ROBO1: variants seen among roughly 807,000 people sequenced by gnomAD.
The protein encoded by ROBO1 is roundabout homolog 1.
In ROBO1, 149 loss-of-function variants were observed where a neutral mutation model predicts 195.9. The ratio of observed to expected loss-of-function variants is 0.76; its 90% CI spans 0.67 to 0.87. The LOEUF (loss-of-function observed/expected upper bound fraction) is 0.87, where lower values mean the gene tolerates loss of function less well. Ranked by LOEUF, ROBO1 falls within the 40% of genes least tolerant of loss-of-function variation. ROBO1 has a pLI of 0.00. For synonymous variants in ROBO1, 816 were observed against 733.2 expected (o/e 1.11, Z -1.82); for missense variants, 1,933 against 2,068.3 (o/e 0.93, Z 1.27).
At chr3:79,472,184 C>T (rs1438102347) in intron 2 of ROBO1, among the ~76,000 whole-genome samples, 1 of 151,886 alleles carries the variant, frequency 6.6e-6, no homozygotes. Flanking sequence ...AAGAGAAAAC[C>T]TATTAATCAG....
intron 3 of ROBO1, among the ~76,000 whole-genome samples, chr3:78,944,407 C>G (rs1175052083): frequency 6.6e-6 from 1 of 152,216 alleles, no homozygotes; most frequent in Non-Finnish European, 1.5e-5. Context: ...CAGAAGGCAG[C>G]CATCTATAAG....
intron 2 of ROBO1, among the ~76,000 whole-genome samples, chr3:79,292,639 G>C (rs2109031922): frequency 6.6e-6 from 1 of 152,204 alleles, no homozygotes; most frequent in Middle Eastern, 3.4e-3. Context: ...ACAAATACGT[G>C]TTTTTTTCCT....
At chr3:78,856,690 T>C (rs1040909386) in intron 4 of ROBO1, among the ~76,000 whole-genome samples, 53 of 151,416 alleles carry the variant, frequency 3.5e-4, no homozygotes, top group Non-Finnish European at 7.1e-4. Flanking sequence ...CCAATCTCCT[T>C]TGATATATTT....
At chr3:78,977,275 T>A (rs569031897) in intron 3 of ROBO1, among the ~76,000 whole-genome samples, 1 of 152,216 alleles carries the variant, frequency 6.6e-6, no homozygotes, top group East Asian at 1.9e-4. Context: ...TCACTGAGAT[T>A]CCCACATGCT....
chr3:79,003,499 A>C (rs2077552226), intron 3 of ROBO1, among the ~76,000 whole-genome samples: 1 of 152,050 alleles, frequency 6.6e-6, no homozygotes, highest in African/African-American at 2.4e-5. Flanking sequence ...CATGCCGAAC[A>C]CTCTTTCAAG....
At chr3:78,693,099 G>A in intron 8 of ROBO1, 1 of 417,888 alleles carries the variant, frequency 2.4e-6, no homozygotes. Context: ...GAAATAAAAG[G>A]ATGCAGATCA....
chr3:78,966,646 T>A (rs534868613), intron 3 of ROBO1, among the ~76,000 whole-genome samples: 9 of 152,354 alleles, frequency 5.9e-5, no homozygotes, highest in Non-Finnish European at 8.8e-5. Context: ...ACTATTGAAT[T>A]CTAATATTAA....
At chr3:79,592,291 C>T (rs1944020550) in intron 1 of ROBO1, among the ~76,000 whole-genome samples, 2 of 151,616 alleles carry the variant, frequency 1.3e-5, no homozygotes, top group African/African-American at 4.8e-5. Context: ...GATTGAATTC[C>T]CCCAAGTTAT....
chr3:79,320,877 T>C (rs2033951060), intron 2 of ROBO1, among the ~76,000 whole-genome samples: 1 of 152,320 alleles, frequency 6.6e-6, no homozygotes, highest in East Asian at 1.9e-4. Context: ...AAATTTAAGC[T>C]AGACTGTAGA....
intron 2 of ROBO1, among the ~76,000 whole-genome samples, chr3:79,543,372 A>G (rs908171262): frequency 6.6e-6 from 1 of 151,946 alleles, no homozygotes; most frequent in African/African-American, 2.4e-5. Context: ...CTTCCTTTCA[A>G]GTTGATTTGT....
At chr3:79,391,214 G>C (rs1435555561) in intron 2 of ROBO1, among the ~76,000 whole-genome samples, 10 of 151,616 alleles carry the variant, frequency 6.6e-5, no homozygotes, top group Non-Finnish European at 1.5e-4. Context: ...GATCCCATGA[G>C]CCCAAGAGTT....
intron 2 of ROBO1, among the ~76,000 whole-genome samples, chr3:79,514,263 A>AAATAAATGTGCCTT (rs1940849040): frequency 6.6e-6 from 1 of 152,172 alleles, no homozygotes; most frequent in Non-Finnish European, 1.5e-5. Flanking sequence ...TTGGGGCCTC[A>AAATAAATGTGCCTT]ATTCCAAAAG....
chr3:78,724,782 C>T (rs189621849), intron 5 of ROBO1, among the ~76,000 whole-genome samples: 38 of 152,138 alleles, frequency 2.5e-4, no homozygotes, highest in Admixed American at 8.5e-4. Context: ...AACTGTGGTG[C>T]CCCTATGTAA....
intron 2 of ROBO1, among the ~76,000 whole-genome samples, chr3:79,190,404 G>A (rs1189567516): frequency 1.3e-5 from 2 of 151,540 alleles, no homozygotes; most frequent in Non-Finnish European, 3.0e-5. Context: ...TTGAATAACT[G>A]CATGTGAATA....
intron 4 of ROBO1, among the ~76,000 whole-genome samples, chr3:78,847,393 T>C (rs1015361921): frequency 2.6e-5 from 4 of 152,128 alleles, no homozygotes; most frequent in Non-Finnish European, 5.9e-5. Flanking sequence ...AGAACGCATG[T>C]GCAAAGCTGG....
At chr3:79,703,632 A>G (rs1328294438) in intron 1 of ROBO1, among the ~76,000 whole-genome samples, 1 of 151,956 alleles carries the variant, frequency 6.6e-6, no homozygotes, top group East Asian at 1.9e-4. Context: ...TTTTACTTAT[A>G]GAAAGTTTCA....
intron 2 of ROBO1, among the ~76,000 whole-genome samples, chr3:79,210,799 T>A (rs1014035081): frequency 1.3e-5 from 2 of 152,154 alleles, no homozygotes; most frequent in Non-Finnish European, 2.9e-5. Flanking sequence ...TTATGAATAT[T>A]GTTGAAAATG....
intron 2 of ROBO1, among the ~76,000 whole-genome samples, chr3:79,459,378 C>T (rs936054645): frequency 3.3e-5 from 5 of 152,136 alleles, no homozygotes; most frequent in Non-Finnish European, 7.4e-5. Context: ...AAGTGTGTGA[C>T]ACTGAATGTT....
At chr3:79,345,690 A>T (rs1477156220) in intron 2 of ROBO1, among the ~76,000 whole-genome samples, 1 of 152,114 alleles carries the variant, frequency 6.6e-6, no homozygotes, top group Non-Finnish European at 1.5e-5. Flanking sequence ...GATATGATGC[A>T]GCTTGAGTGA....
Sources: gnomAD v4.1 joint callset for allele counts (sites outside exome capture counted in the v4.1 genomes callset) on GRCh38, gnomAD v4.1.1 for gene constraint, MANE v1.5 for transcripts, NCBI Gene and HGNC (gene_info 2026-07-23, HGNC 2026-07-21) for gene names.